ODF2L: variants seen among roughly 807,000 people sequenced by gnomAD.
ODF2L encodes the protein protein BCAP.
In ODF2L, 76 loss-of-function variants were observed where a neutral mutation model predicts 86.3. The ratio of observed to expected loss-of-function variants is 0.88; its 90% confidence interval spans 0.73 to 1.07. The LOEUF (loss-of-function observed/expected upper bound fraction) is 1.07, where lower values mean the gene tolerates loss of function less well. Ranked by LOEUF, ODF2L falls within the 50% of genes least tolerant of loss-of-function variation. The pLI is 0.00. For synonymous variants in ODF2L, 241 were observed against 231.3 expected (o/e 1.04, Z -0.38); for missense variants, 748 against 717.4 (o/e 1.04, Z -0.49).
chr1:86,387,277 T>C (rs1661022630), intron 1 of ODF2L, among the ~76,000 whole-genome samples, 191 bp from the exon 2 acceptor site: 1 of 152,146 alleles, frequency 6.6e-6, no homozygotes, highest in Non-Finnish European at 1.5e-5. Flanking sequence ...CACTCAACAA[T>C]TGCCAATTTC....
At chr1:86,372,927 A>G (rs370957552) in intron 8 of ODF2L, among the ~76,000 whole-genome samples, 8 of 152,144 alleles carry the variant, frequency 5.3e-5, no homozygotes, top group Non-Finnish European at 1.0e-4. Context: ...TGAAAATGCA[A>G]AAGCATAAGA....
chr1:86,360,526 G>GC lies in ODF2L; in HGVS notation c.1153dup (p.Ala385GlyfsTer6). 1 of 1,545,490 alleles carries GC rather than the reference G, an allele frequency of 6.5e-7. No homozygotes were observed. Among genetic ancestry groups the GC allele is most frequent in the African/African-American group, 1.4e-5 (1 of 72,998 alleles). Reference sequence around the variant, plus strand: ...AGATACAACTTCATCCTTCAAAGCAGCAAGTGTAGTCTAGCAAAAAAGATA... The same window carrying GC: ...AGATACAACTTCATCCTTCAAAGCAGCCAAGTGTAGTCTAGCAAAAAAGATA... On this transcript the variant is annotated frameshift_variant, in exon 12 of 18. Transcript: ENST00000317336. LOFTEE classifies it high-confidence loss of function.
intron 11 of ODF2L, among the ~76,000 whole-genome samples, chr1:86,366,270 TG>T (rs1459132232): frequency 6.6e-6 from 1 of 151,492 alleles, no homozygotes; most frequent in Admixed American, 6.6e-5. Flanking sequence ...AGAAAAAAAT[TG>T]GGTTGGGCAC....
At chr1:86,390,382 T>C (rs1661236995) in intron 1 of ODF2L, among the ~76,000 whole-genome samples, 1 of 152,014 alleles carries the variant, frequency 6.6e-6, no homozygotes, top group African/African-American at 2.4e-5. Context: ...ACCATGCCAC[T>C]ACACTCCAGT....
intron 11 of ODF2L, among the ~76,000 whole-genome samples, chr1:86,361,692 T>C (rs1191203839): frequency 2.0e-5 from 3 of 151,986 alleles, no homozygotes; most frequent in Non-Finnish European, 2.9e-5. Flanking sequence ...ATAAAACAAA[T>C]ATAAGATTAA....
chr1:86,351,147 T>C (rs1407743783), exon 18 of ODF2L: 3 of 152,248 alleles, frequency 2.0e-5, no homozygotes, highest in Non-Finnish European at 2.9e-5. Context: ...TTTTGGTGTT[T>C]TAGTCATGAA....
chr1:86,362,541 T>C (rs978940318), intron 11 of ODF2L, among the ~76,000 whole-genome samples: 1 of 152,086 alleles, frequency 6.6e-6, no homozygotes, highest in Non-Finnish European at 1.5e-5. Flanking sequence ...TCCTCCCACA[T>C]TGCCTTCCTG....
At chr1:86,392,251 C>T (rs935142707) in intron 1 of ODF2L, among the ~76,000 whole-genome samples, 1 of 152,128 alleles carries the variant, frequency 6.6e-6, no homozygotes, top group South Asian at 2.1e-4. Context: ...TAAACTAGTA[C>T]AACCGCTATG....
At chr1:86,384,646 TA>T in intron 4 of ODF2L, 29 bp downstream of exon 4, 1 of 1,317,928 alleles carries the variant, frequency 7.6e-7, no homozygotes, top group Non-Finnish European at 1.0e-6. Flanking sequence ...ATATCACTAT[TA>T]AAATGAGTGC....
chr1:86,362,255 G>C (rs1008030677), intron 11 of ODF2L, among the ~76,000 whole-genome samples: 1 of 151,854 alleles, frequency 6.6e-6, no homozygotes, highest in African/African-American at 2.4e-5. Context: ...GCAGGGCAGT[G>C]ACACGATCTG....
At chr1:86,362,321 A>G (rs1257713642) in intron 11 of ODF2L, among the ~76,000 whole-genome samples, 2 of 151,742 alleles carry the variant, frequency 1.3e-5, no homozygotes, top group Non-Finnish European at 2.9e-5. Flanking sequence ...TATTTTTGAA[A>G]CAGGGTGTCA....
intron 1 of ODF2L, among the ~76,000 whole-genome samples, chr1:86,391,257 T>C (rs1320671114): frequency 6.6e-6 from 1 of 152,176 alleles, no homozygotes; most frequent in Admixed American, 6.5e-5. Context: ...AAAAGGGCCA[T>C]ACTGCCAAAA....
At chr1:86,359,406 G>A (rs1658853184) in intron 12 of ODF2L, among the ~76,000 whole-genome samples, 1 of 151,978 alleles carries the variant, frequency 6.6e-6, no homozygotes, top group East Asian at 1.9e-4. Context: ...CTGGATGACT[G>A]AAATATTCTA....
At chr1:86,356,053 AT>A (rs1416665991) in intron 14 of ODF2L, 2 of 219,478 alleles carry the variant, frequency 9.1e-6, no homozygotes, top group Admixed American at 5.8e-5. Context: ...AGACTGAAAA[AT>A]ATCCCAAAAA....
chr1:86,351,061 T>C (rs982310830), exon 18 of ODF2L: 2 of 152,222 alleles, frequency 1.3e-5, no homozygotes, highest in Admixed American at 6.5e-5. Context: ...ACTCTGATGA[T>C]AGTTTCTTTT....
intron 4 of ODF2L, among the ~76,000 whole-genome samples, chr1:86,383,507 A>G (rs1320165247): frequency 6.6e-6 from 1 of 151,790 alleles, no homozygotes; most frequent in Non-Finnish European, 1.5e-5. Context: ...ATAGAATGCA[A>G]CACAGTGCTG....
intron 8 of ODF2L, among the ~76,000 whole-genome samples, chr1:86,375,290 A>G (rs1291485774): frequency 6.6e-6 from 1 of 152,166 alleles, no homozygotes; most frequent in African/African-American, 2.4e-5. Flanking sequence ...AAAGGAGGAC[A>G]ATGCAAAAAT....
exon 8 of ODF2L, chr1:86,376,311 C>A: frequency 6.2e-7 from 1 of 1,612,250 alleles, no homozygotes; most frequent in South Asian, 1.1e-5. Flanking sequence ...CTTTAGATGC[C>A]TTTTTTAAAG....
rs1321390714 is a variant in ODF2L at position 86,353,048 on chromosome 1, C to A, written c.1768-64G>T. ...TTTAAAATATGATTTAAAGCCTTGA[C>A]AGTTATATTGTACCTTTTTTCTAAA... is the stretch of plus-strand genomic sequence containing the variant. On this transcript the variant is annotated intron_variant, in intron 16 of 17. Transcript: ENST00000317336. 8.7e-6 allele frequency: 9 copies of A among 1,036,012 alleles called. No homozygotes were observed. The South Asian group carries it at 1.0e-4, about 12-fold the overall frequency. The allele number at this position is 1,036,012 out of a possible 1,614,324, so 64.2% of individuals were successfully genotyped here. A position where few individuals can be genotyped will look rare whatever the true frequency, so the allele number is the denominator to read the frequency against.
Sources: allele counts gnomAD v4.1 joint callset (sites outside exome capture counted in the v4.1 genomes callset), GRCh38; gene constraint gnomAD v4.1.1; transcripts MANE v1.5; gene names NCBI Gene and HGNC (gene_info 2026-07-23, HGNC 2026-07-21).